Variants in BAALC observed in about 807,000 individuals in gnomAD.
BAALC encodes brain and acute leukemia cytoplasmic protein.
A neutral mutation model predicts 15.5 loss-of-function variants in BAALC; 9 were observed. The observed-to-expected ratio is 0.58, with a 90% CI of 0.35 to 1.02. The LOEUF is 1.02. Among genes scored for constraint, BAALC ranks in the 50% least tolerant of loss-of-function variants. BAALC has a pLI of 0.02. For synonymous variants in BAALC, 80 were observed against 74.6 expected, an observed-to-expected ratio of 1.07 and a Z score of -0.37; for missense variants, 201 against 192.4, an observed-to-expected ratio of 1.04 and a Z score of -0.27.
At chr8:103,197,495 G>T (rs557264606) in intron 1 of BAALC, among the ~76,000 whole-genome samples, 2 of 152,096 alleles carry the variant, frequency 1.3e-5, no homozygotes, top group African/African-American at 2.4e-5. Context: ...TGAACATAAG[G>T]CTGGCACAAA....
intron 1 of BAALC, among the ~76,000 whole-genome samples, chr8:103,192,954 T>A (rs2130007167): frequency 6.6e-6 from 1 of 152,188 alleles, no homozygotes; most frequent in South Asian, 2.1e-4. Context: ...CTTCTCTCCC[T>A]CCCCTCTGCA....
At chr8:103,160,291 T>C (rs1381910803) in intron 1 of BAALC, among the ~76,000 whole-genome samples, 1 of 152,132 alleles carries the variant, frequency 6.6e-6, no homozygotes, top group Non-Finnish European at 1.5e-5. Context: ...AGTTTAAATA[T>C]CCCTTAGAGG....
chr8:103,160,964 C>T (rs1330580736), intron 1 of BAALC, among the ~76,000 whole-genome samples: 2 of 152,210 alleles, frequency 1.3e-5, no homozygotes, highest in Non-Finnish European at 2.9e-5. Context: ...CTCACAGACA[C>T]ACCCAGGATC....
chr8:103,142,902 A>G (rs900248681), intron 1 of BAALC, among the ~76,000 whole-genome samples: 1 of 152,176 alleles, frequency 6.6e-6, no homozygotes, highest in African/African-American at 2.4e-5. Flanking sequence ...CCTGCCAAAC[A>G]TGGGCCAGCC....
At chr8:103,194,359 A>T (rs1812043179) in intron 1 of BAALC, among the ~76,000 whole-genome samples, 1 of 151,750 alleles carries the variant, frequency 6.6e-6, no homozygotes, top group African/African-American at 2.4e-5. Flanking sequence ...AAATACACAC[A>T]ATATAATGTA....
chr8:103,162,093 T>C (rs1298095220), intron 1 of BAALC, among the ~76,000 whole-genome samples: 1 of 152,182 alleles, frequency 6.6e-6, no homozygotes, highest in Non-Finnish European at 1.5e-5. Context: ...CCCAAGTAGC[T>C]GGGACCACAG....
chr8:103,181,304 G>C (rs755902966), intron 1 of BAALC, among the ~76,000 whole-genome samples: 1 of 152,028 alleles, frequency 6.6e-6, no homozygotes, highest in Admixed American at 6.5e-5. Flanking sequence ...ACAGAGTCTC[G>C]CTCTGTCGCC....
intron 1 of BAALC, chr8:103,166,401 T>A (rs528969845): frequency 6.6e-6 from 1 of 152,586 alleles, no homozygotes; most frequent in Non-Finnish European, 1.5e-5. Context: ...ACACTTTTTT[T>A]TAAGCCTCAG....
At chr8:103,150,806 A>G (rs1405636800) in intron 1 of BAALC, among the ~76,000 whole-genome samples, 2 of 152,072 alleles carry the variant, frequency 1.3e-5, no homozygotes, top group African/African-American at 4.8e-5. Context: ...CTAAGCCATT[A>G]TCCTGAATTC....
chr8:103,143,566 A>G (rs542629906), intron 1 of BAALC, among the ~76,000 whole-genome samples: 7 of 152,268 alleles, frequency 4.6e-5, no homozygotes, highest in African/African-American at 1.7e-4. Flanking sequence ...GAGTCAAATG[A>G]GACTCTCAGG....
At chr8:103,164,771 TC>T (rs1166142995) in intron 1 of BAALC, among the ~76,000 whole-genome samples, 1 of 152,188 alleles carries the variant, frequency 6.6e-6, no homozygotes, top group Non-Finnish European at 1.5e-5. Flanking sequence ...CCCTAGGCCC[TC>T]CCCAAGTGGA....
At position 103,228,208 on chromosome 8, in the gene BAALC, T is replaced by G; in HGVS notation, c.*109T>G. On this transcript the variant is annotated 3_prime_UTR_variant, in exon 3 of 3. Transcript: ENST00000309982. ...GCTGCCCCTTGCTGGACCTGAATTC[T>G]ACTGAGTCCCTGGCAAGACTGTCTT... 1 of 733,988 alleles carries G rather than the reference T, an allele frequency of 1.4e-6. No homozygotes were observed. The highest frequency in any genetic ancestry group is 2.3e-6 in the Non-Finnish European group (1 of 439,368). 45.5% of individuals were successfully genotyped at this position (733,988 alleles called of 1,614,324 possible).
chr8:103,212,849 C>G, intron 1 of BAALC, 70 bp from the exon 2 acceptor site: 1 of 1,479,922 alleles, frequency 6.8e-7, no homozygotes, highest in Non-Finnish European at 9.1e-7. Context: ...GTTTCTCCAC[C>G]ATTTTGGGAT....
chr8:103,194,895 GC>G (rs1812057772), intron 1 of BAALC, among the ~76,000 whole-genome samples: 1 of 152,152 alleles, frequency 6.6e-6, no homozygotes, highest in Non-Finnish European at 1.5e-5. Context: ...ATAAGACTCT[GC>G]CCTTATGACT....
intron 1 of BAALC, among the ~76,000 whole-genome samples, chr8:103,198,891 A>G (rs1233712339): frequency 6.6e-6 from 1 of 152,172 alleles, no homozygotes; most frequent in Non-Finnish European, 1.5e-5. Flanking sequence ...AGCCTAGGCA[A>G]CAGAGTGAGA....
rs16870270 is a variant in BAALC at position 103,229,538 on chromosome 8, A to C, written c.*1439A>C. ...TTTATTCACAAAACATTAAATGTCC[A>C]TCCTGTGCCAGGTACTATGCAGATG... On this transcript the variant is annotated 3_prime_UTR_variant, in exon 3 of 3. Transcript: ENST00000309982. The C allele has an allele frequency of 0.044, 6,700 of 152,286 alleles. 157 individuals are homozygous for C. The highest frequency in any genetic ancestry group is 0.072 in the African/African-American group (2,997 of 41,560). 9.4% of individuals were successfully genotyped at this position (152,286 alleles called of 1,614,324 possible).
chr8:103,179,675 A>G lies in BAALC; in HGVS notation c.161-33244A>G, dbSNP rs145210699. ...TCCAAATGGATGTGAAGCAGTCACTATGAAGTCTTTAAAACTTTGTGGGTA... is the reference window on the plus strand; with the variant it reads ...TCCAAATGGATGTGAAGCAGTCACTGTGAAGTCTTTAAAACTTTGTGGGTA... On this transcript the variant is annotated intron_variant, in intron 1 of 2. Coordinates refer to ENST00000309982, the MANE Select transcript of BAALC (RefSeq NM_024812.3). Among the ~76,000 whole-genome samples the G allele has an allele frequency of 4.1e-3, 625 of 152,378 alleles. 8 individuals are homozygous for G. Among genetic ancestry groups the G allele is most frequent in the African/African-American group, 0.014 (595 of 41,592 alleles).
At chr8:103,221,060 C>T (rs888427979) in intron 2 of BAALC, among the ~76,000 whole-genome samples, 39 of 152,136 alleles carry the variant, frequency 2.6e-4, no homozygotes, top group African/African-American at 9.2e-4. Context: ...ATCCAGGTCT[C>T]CAGGAGCAGC....
At chr8:103,141,250 T>C (rs1810768901) in intron 1 of BAALC, 193 bp downstream of exon 1, 2 of 590,932 alleles carry the variant, frequency 3.4e-6, no homozygotes, top group Non-Finnish European at 2.6e-6. Context: ...CCAGAGCCCC[T>C]TACCGAAGGC....
Sources: allele counts gnomAD v4.1 joint callset (sites outside exome capture counted in the v4.1 genomes callset), GRCh38; gene constraint gnomAD v4.1.1; transcripts MANE v1.5; gene names NCBI Gene and HGNC (gene_info 2026-07-23, HGNC 2026-07-21).